SORCS2: variants seen among roughly 807,000 people sequenced by gnomAD.
SORCS2 encodes VPS10 domain-containing receptor SorCS2.
In SORCS2, 100 loss-of-function variants were observed where a neutral mutation model predicts 141.6. The observed-to-expected ratio is 0.71, with a 90% CI of 0.60 to 0.83. The LOEUF (loss-of-function observed/expected upper bound fraction) is 0.83. Ranked by LOEUF, SORCS2 falls within the 40% of genes least tolerant of loss-of-function variation. The probability of loss-of-function intolerance (pLI) is 0.00; values close to 1 mark genes in which losing one functional copy is unlikely to be tolerated. For synonymous variants in SORCS2, 789 were observed against 676.9 expected, an observed-to-expected ratio of 1.17 and a Z score of -2.57; for missense variants, 1,646 against 1,560.2, an observed-to-expected ratio of 1.05 and a Z score of -0.93.
intron 2 of SORCS2, among the ~76,000 whole-genome samples, chr4:7,462,460 G>A (rs1729369085): frequency 6.6e-6 from 1 of 152,104 alleles, no homozygotes; most frequent in Non-Finnish European, 1.5e-5. Flanking sequence ...GTAGGCCAGG[G>A]GTCCCTGATG....
At chr4:7,194,359 T>G (rs1560448225) in intron 1 of SORCS2, among the ~76,000 whole-genome samples, 1 of 152,188 alleles carries the variant, frequency 6.6e-6, no homozygotes, top group Non-Finnish European at 1.5e-5. Context: ...TGTCCAGCTT[T>G]GCTGGGCTAC....
chr4:7,511,019 T>G (rs1732610039), intron 2 of SORCS2, among the ~76,000 whole-genome samples: 1 of 152,194 alleles, frequency 6.6e-6, no homozygotes, highest in Non-Finnish European at 1.5e-5. Flanking sequence ...AGGCCACATA[T>G]GGTCCCCAGA....
chr4:7,500,092 G>A (rs1731870862), intron 2 of SORCS2, among the ~76,000 whole-genome samples: 1 of 152,126 alleles, frequency 6.6e-6, no homozygotes, highest in South Asian at 2.1e-4. Context: ...CTTTCTTTCC[G>A]GCTTCTGGCA....
At chr4:7,543,961 C>CATCAATCCATCCATCT (rs1713022097) in intron 3 of SORCS2, among the ~76,000 whole-genome samples, 1 of 119,906 alleles carries the variant, frequency 8.3e-6, no homozygotes, top group Non-Finnish European at 1.9e-5. Context: ...TCCATCCATC[C>CATCAATCCATCCATCT]ATCCATCCAT....
chr4:7,423,635 G>C (rs1726235133), intron 2 of SORCS2, among the ~76,000 whole-genome samples: 2 of 152,112 alleles, frequency 1.3e-5, no homozygotes, highest in African/African-American at 4.8e-5. Flanking sequence ...TCACTCTTTG[G>C]GGGACAGGTC....
intron 1 of SORCS2, among the ~76,000 whole-genome samples, chr4:7,325,985 C>A (rs866375669): frequency 6.6e-6 from 1 of 152,004 alleles, no homozygotes; most frequent in Non-Finnish European, 1.5e-5. Context: ...TGGGAGTGAG[C>A]AGGGAGGGCT....
rs934629183 is a variant in SORCS2 at position 7,201,627 on chromosome 4, G to A, written c.480+8501G>A. Among the ~76,000 whole-genome samples, 4 of 152,200 alleles carry A rather than the reference G, an allele frequency of 2.6e-5. No individual in the cohort carries two copies. Among genetic ancestry groups the A allele is most frequent in the African/African-American group, 7.2e-5 (3 of 41,456 alleles). On this transcript the variant is annotated intron_variant, in intron 1 of 26. Transcript: ENST00000507866. The surrounding 1 kb of genome is among the most constrained non-coding windows in gnomAD (Gnocchi z 4.4). ...TGCCGAGAACCCCTGTGCCTTTTCC[G>A]GTGCAGGAAGAAATGGAGGGGAAGC...
At chr4:7,583,167 G>C (rs1421150210) in intron 3 of SORCS2, among the ~76,000 whole-genome samples, 2 of 152,162 alleles carry the variant, frequency 1.3e-5, no homozygotes, top group Admixed American at 6.5e-5. Flanking sequence ...AAAAGTTCTA[G>C]TACTTTGTCT....
chr4:7,467,188 C>T (rs1167225082), intron 2 of SORCS2, among the ~76,000 whole-genome samples: 1 of 152,202 alleles, frequency 6.6e-6, no homozygotes, highest in South Asian at 2.1e-4. Flanking sequence ...GTCCAGGAGG[C>T]AGCAAGGCCT....
At chr4:7,206,346 G>A (rs1727739625) in intron 1 of SORCS2, among the ~76,000 whole-genome samples, 1 of 152,182 alleles carries the variant, frequency 6.6e-6, no homozygotes, top group Non-Finnish European at 1.5e-5. Flanking sequence ...GAGGACTTCT[G>A]AAAGGAGGAG....
Position 7,399,677 on chromosome 4 carries a change from C to T in SORCS2, c.548+3322C>T, listed in dbSNP as rs188430645. On this transcript the variant is annotated intron_variant, in intron 2 of 26. Transcript: ENST00000507866. ...GCATCAGGGTTTGAAGTGTGCAGGG[C>T]GTGCTCCTCCACGTGGTCTTGCCCT... 3.2e-3 allele frequency among the ~76,000 whole-genome samples: 488 copies of T among 152,280 alleles called. 4 individuals carry two copies. The highest frequency in any genetic ancestry group is 0.011 in the African/African-American group (464 of 41,562).
At chr4:7,504,941 A>G (rs1456490165) in intron 2 of SORCS2, among the ~76,000 whole-genome samples, 1 of 152,142 alleles carries the variant, frequency 6.6e-6, no homozygotes. Context: ...GCCACCTGTC[A>G]TGCATGATGC....
intron 1 of SORCS2, among the ~76,000 whole-genome samples, chr4:7,323,785 C>T (rs1031159798): frequency 7.9e-5 from 12 of 152,056 alleles, no homozygotes; most frequent in African/African-American, 2.7e-4. Flanking sequence ...CCTCCACCCC[C>T]GAGAAATGGG....
At chr4:7,365,923 C>G (rs1246871645) in intron 1 of SORCS2, among the ~76,000 whole-genome samples, 1 of 152,206 alleles carries the variant, frequency 6.6e-6, no homozygotes, top group Non-Finnish European at 1.5e-5. Flanking sequence ...TGTCCCTGCC[C>G]CCTGTGAAAA....
chr4:7,691,220 G>A (rs1724227496), intron 11 of SORCS2, among the ~76,000 whole-genome samples: 1 of 152,262 alleles, frequency 6.6e-6, no homozygotes, highest in African/African-American at 2.4e-5. Context: ...ACTCTGAGCT[G>A]GACACCACAT....
intron 3 of SORCS2, among the ~76,000 whole-genome samples, chr4:7,585,937 C>T (rs940730403): frequency 5.3e-5 from 8 of 152,228 alleles, no homozygotes; most frequent in African/African-American, 1.9e-4. Context: ...TAGAGGGAGC[C>T]ATGCCAATTT....
At chr4:7,194,703 G>C (rs1321336323) in intron 1 of SORCS2, among the ~76,000 whole-genome samples, 1 of 152,172 alleles carries the variant, frequency 6.6e-6, no homozygotes, top group East Asian at 1.9e-4. Context: ...TCTGCACCTT[G>C]AGAGAGGGGT....
At chr4:7,466,881 G>C (rs1729650474) in intron 2 of SORCS2, among the ~76,000 whole-genome samples, 1 of 152,134 alleles carries the variant, frequency 6.6e-6, no homozygotes, top group African/African-American at 2.4e-5. Flanking sequence ...TTTGCCATGT[G>C]CTTGGACAGG....
intron 1 of SORCS2, among the ~76,000 whole-genome samples, chr4:7,360,872 G>A (rs1012866182): frequency 1.3e-5 from 2 of 151,166 alleles, no homozygotes; most frequent in Non-Finnish European, 3.0e-5. Context: ...GCCACTGCCC[G>A]GCCCGCCCAG....
Sources: gnomAD v4.1 joint callset for allele counts (sites outside exome capture counted in the v4.1 genomes callset) on GRCh38, gnomAD v4.1.1 for gene constraint, Gnocchi (gnomAD v3.1) non-coding constraint, MANE v1.5 for transcripts, NCBI Gene and HGNC (gene_info 2026-07-23, HGNC 2026-07-21) for gene names.